Variants in THEMIS observed in about 807,000 individuals in gnomAD.
The protein encoded by THEMIS is thymocyte selection associated.
Under a neutral mutation model 52.6 loss-of-function variants are expected in THEMIS, and 37 were observed. The observed-to-expected ratio is 0.70, with a 90% CI of 0.54 to 0.93. THEMIS has a LOEUF of 0.93. THEMIS is among the 40% of genes least tolerant of loss of function. The pLI is 0.00. For missense variants in THEMIS, 808 were observed against 763.1 expected, an observed-to-expected ratio of 1.06 and a Z score of -0.69; for synonymous variants, 292 against 272.7, an observed-to-expected ratio of 1.07 and a Z score of -0.70.
rs781331744 is a variant in THEMIS at position 127,813,280 on chromosome 6, C to T, written c.1361G>A (p.Arg454His). 8 of 1,614,110 alleles carry T rather than the reference C, an allele frequency of 5.0e-6. No homozygotes were observed. Among genetic ancestry groups the T allele is most frequent in the African/African-American group, 1.3e-5 (1 of 75,030 alleles). The change falls in exon 4 of 6, where the codon CGT (arginine) becomes CAT (histidine). Residue 454 changes from arginine to histidine, a missense_variant. Transcript: ENST00000368248. The part of the protein sequence containing the change: ...YPISELCKQF[R>H]LPFNVKVSVR... ...AGACACCTTCACATTGAAGGGCAAA[C>T]GGAACTGTTTACAGAGCTCAGAAAT...
chr6:127,887,286 A>G (rs965972906), intron 1 of THEMIS, among the ~76,000 whole-genome samples: 1 of 152,146 alleles, frequency 6.6e-6, no homozygotes, highest in Admixed American at 6.6e-5. Flanking sequence ...AGTACTCAAC[A>G]TTAGTTGTCA....
chr6:127,709,604 G>A lies in THEMIS; in HGVS notation c.*381C>T, dbSNP rs1225963664. On this transcript the variant is annotated 3_prime_UTR_variant, in exon 6 of 6. Transcript: ENST00000368248. Reference sequence around the variant, plus strand: ...GGCAAAACAAATTCTGGAAAAAAAAGAAAATATTTGGTGGCTTTTATCCTA... The same window carrying A: ...GGCAAAACAAATTCTGGAAAAAAAAAAAAATATTTGGTGGCTTTTATCCTA... The A allele has an allele frequency of 1.8e-5, 3 of 165,108 alleles. No individual in the cohort carries two copies. The highest frequency in any genetic ancestry group is 7.1e-5 in the African/African-American group (3 of 42,000). 10.2% of individuals were successfully genotyped at this position (165,108 alleles called of 1,614,324 possible). A position where few individuals can be genotyped will look rare whatever the true frequency, so the allele number is the denominator to read the frequency against.
chr6:127,880,297 T>A (rs933585318), intron 1 of THEMIS, among the ~76,000 whole-genome samples: 8 of 152,122 alleles, frequency 5.3e-5, no homozygotes, highest in African/African-American at 1.7e-4. Flanking sequence ...GTATCTCATC[T>A]AAGATTAGTT....
intron 1 of THEMIS, among the ~76,000 whole-genome samples, chr6:127,863,832 C>T (rs1222344473): frequency 6.6e-6 from 1 of 152,182 alleles, no homozygotes; most frequent in Non-Finnish European, 1.5e-5. Context: ...CCAGCCGTTT[C>T]ACACTAGCAA....
chr6:127,882,107 A>T (rs1303078030), intron 1 of THEMIS, among the ~76,000 whole-genome samples: 1 of 151,456 alleles, frequency 6.6e-6, no homozygotes, highest in Non-Finnish European at 1.5e-5. Flanking sequence ...ATAGACTCCC[A>T]TACTTGGTTT....
At chr6:127,714,342 A>G (rs1218542484) in intron 5 of THEMIS, among the ~76,000 whole-genome samples, 1 of 151,796 alleles carries the variant, frequency 6.6e-6, no homozygotes, top group Non-Finnish European at 1.5e-5. Context: ...GTGTTCCAAT[A>G]AAACTTTATT....
At chr6:127,804,096 A>T (rs1456536023) in intron 4 of THEMIS, among the ~76,000 whole-genome samples, 1 of 152,170 alleles carries the variant, frequency 6.6e-6, no homozygotes, top group Admixed American at 6.5e-5. Flanking sequence ...GAATTTTAAA[A>T]GTAGACATAT....
At chr6:127,894,137 G>T (rs751502662) in intron 1 of THEMIS, among the ~76,000 whole-genome samples, 1 of 151,986 alleles carries the variant, frequency 6.6e-6, no homozygotes, top group African/African-American at 2.4e-5. Flanking sequence ...TTAAGCATAT[G>T]AAAAATAAGC....
At chr6:127,737,164 C>G (rs1775038110) in intron 4 of THEMIS, among the ~76,000 whole-genome samples, 1 of 152,160 alleles carries the variant, frequency 6.6e-6, no homozygotes, top group Non-Finnish European at 1.5e-5. Flanking sequence ...CAGAGTGTAG[C>G]TACTCCTGGC....
intron 1 of THEMIS, among the ~76,000 whole-genome samples, chr6:127,914,253 T>G (rs2114537568): frequency 6.6e-6 from 1 of 152,318 alleles, no homozygotes; most frequent in East Asian, 1.9e-4. Context: ...TTTGGATTTT[T>G]GGATTTGCAG....
At chr6:127,835,141 C>T (rs528316720) in intron 2 of THEMIS, among the ~76,000 whole-genome samples, 24 of 152,228 alleles carry the variant, frequency 1.6e-4, no homozygotes, top group African/African-American at 4.8e-4. Context: ...CCTCCACAGA[C>T]CTTAGGCACC....
the THEMIS span, among the ~76,000 whole-genome samples, chr6:127,698,108 TA>T: frequency 6.6e-6 from 1 of 152,164 alleles, no homozygotes; most frequent in African/African-American, 2.4e-5. Flanking sequence ...TGAGAAAATT[TA>T]AAAATAGCCA....
At chr6:127,849,710 G>A (rs1407098088) in intron 2 of THEMIS, among the ~76,000 whole-genome samples, 1 of 151,896 alleles carries the variant, frequency 6.6e-6, no homozygotes, top group African/African-American at 2.4e-5. Context: ...AATGAAACTT[G>A]ATCCCCATTT....
At chr6:127,793,409 T>C (rs746802624) in intron 4 of THEMIS, among the ~76,000 whole-genome samples, 3 of 152,210 alleles carry the variant, frequency 2.0e-5, no homozygotes, top group Non-Finnish European at 4.4e-5. Context: ...GTTGTGATTC[T>C]GAACAGAGGC....
chr6:127,743,035 A>G (rs1775263358), intron 4 of THEMIS, among the ~76,000 whole-genome samples: 1 of 152,140 alleles, frequency 6.6e-6, no homozygotes, highest in Non-Finnish European at 1.5e-5. Context: ...AGAAGAATAA[A>G]TTATTTTAGA....
intron 2 of THEMIS, among the ~76,000 whole-genome samples, chr6:127,846,020 G>A (rs1041716459): frequency 1.3e-5 from 2 of 151,912 alleles, no homozygotes; most frequent in African/African-American, 4.8e-5. Flanking sequence ...ACCTGACTGA[G>A]TGTTGACAGA....
chr6:127,798,979 G>C (rs1311148854), intron 4 of THEMIS, among the ~76,000 whole-genome samples: 1 of 134,880 alleles, frequency 7.4e-6, no homozygotes, highest in Non-Finnish European at 1.5e-5. Context: ...GCGACAGAGC[G>C]AGACTCCGTC....
chr6:127,721,123 AGATT>A (rs1255497964), intron 4 of THEMIS, among the ~76,000 whole-genome samples: 1 of 152,008 alleles, frequency 6.6e-6, no homozygotes, highest in African/African-American at 2.4e-5. Flanking sequence ...AGCTGGCTGC[AGATT>A]GAACATGAGA....
intron 4 of THEMIS, among the ~76,000 whole-genome samples, chr6:127,781,011 C>G (rs150472845): frequency 1.4e-4 from 21 of 152,000 alleles, no homozygotes; most frequent in African/African-American, 5.1e-4. Context: ...CCATTCTTTC[C>G]GTCACTTTCA....
Sources: allele counts gnomAD v4.1 joint callset (sites outside exome capture counted in the v4.1 genomes callset), GRCh38; gene constraint gnomAD v4.1.1; transcripts MANE v1.5; gene names NCBI Gene and HGNC (gene_info 2026-07-23, HGNC 2026-07-21).